Variants in MMP21 observed in about 807,000 individuals in gnomAD.
MMP21 encodes the protein matrix metallopeptidase 21.
Under a neutral mutation model 47.8 loss-of-function variants are expected in MMP21, and 40 were observed. The observed-to-expected ratio is 0.84, with a 90% CI of 0.65 to 1.09. The LOEUF is 1.09. Among genes scored for constraint, MMP21 ranks in the 50% least tolerant of loss-of-function variants. The pLI is 0.00. For missense variants in MMP21, 747 were observed against 775.3 expected (o/e 0.96, Z 0.43); for synonymous variants, 341 against 318.0 (o/e 1.07, Z -0.77).
rs886041273 is a variant in MMP21, at chr10:125,774,287, T to TG, written c.240dup (p.Lys81GlnfsTer177). ...ACCGCCTCGGCCAGGGCGGCGCCCTTGGGGGTCTCCGGCGGCCCCTCGGGA... is the reference window on the plus strand; with the variant it reads ...ACCGCCTCGGCCAGGGCGGCGCCCTTGGGGGGTCTCCGGCGGCCCCTCGGGA... On this transcript the variant is annotated frameshift_variant, in exon 2 of 7. Transcript: ENST00000368808. LOFTEE classifies it high-confidence loss of function. 1.3e-4 allele frequency: 191 copies of TG among 1,420,200 alleles called. No individual in the cohort carries two copies. The highest frequency in any genetic ancestry group is 1.5e-4 in the Non-Finnish European group (169 of 1,095,810). The allele number at this position is 1,420,200 out of a possible 1,614,324, so 88.0% of individuals were successfully genotyped here. A position where few individuals can be genotyped will look rare whatever the true frequency, so the allele number is the denominator to read the frequency against.
Position 125,767,693 on chromosome 10 carries a change from A to G in MMP21, c.1249T>C (p.Trp417Arg). The G allele has an allele frequency of 1.2e-6, 2 of 1,614,006 alleles. No homozygotes were observed. The highest frequency in any genetic ancestry group is 1.7e-6 in the Non-Finnish European group (2 of 1,179,946). ...TGATCCTTGTCACTGTCATATCTCC[A>G]GTATTGATTTCCTGAGAGCCAAACA... is the stretch of plus-strand genomic sequence containing the variant. ...ERYFFQGNQY[W>R]RYDSDKDQAL... Residue 417 changes from tryptophan to arginine, a missense_variant, in exon 6 of 7, where the codon TGG becomes CGG. Transcript: ENST00000368808.
Position 125,774,278 on chromosome 10 carries a change from C to A in MMP21, c.250G>T (p.Ala84Ser). ...AACCTGCGCACCGCCTCGGCCAGGGCGGCGCCCTTGGGGGTCTCCGGCGGC... is the reference window on the plus strand; with the variant it reads ...AACCTGCGCACCGCCTCGGCCAGGGAGGCGCCCTTGGGGGTCTCCGGCGGC... Reference protein sequence around the residue: ...EGPPETPKGAALAEAVRRFQR... With the variant: ...EGPPETPKGASLAEAVRRFQR... The change falls in exon 2 of 7, where the codon GCC (alanine) becomes TCC (serine). Residue 84 changes from alanine (A) to serine (S), a missense_variant. Transcript: ENST00000368808. 7.1e-7 allele frequency: 1 copy of A among 1,418,196 alleles called. No individual in the cohort carries two copies. Among genetic ancestry groups the A allele is most frequent in the Middle Eastern group, 2.4e-4 (1 of 4,244 alleles). The allele number at this position is 1,418,196 out of a possible 1,614,324, so 87.9% of individuals were successfully genotyped here.
At position 125,773,353 on chromosome 10, in the gene MMP21, C is replaced by T. The variant is rs28381288; in HGVS notation, c.697+478G>A. On this transcript the variant is annotated intron_variant, in intron 2 of 6. Transcript: ENST00000368808. This position sits in a 1 kb window ranked among gnomAD's most constrained non-coding sequence, Gnocchi z 4.8. ...TAGGCCAAGACCGGATTCCTGGGGA[C>T]GCCAGCACCCAATTTCAGGTGGCAG... Among the ~76,000 whole-genome samples the T allele has an allele frequency of 1.4e-4, 21 of 152,062 alleles. No homozygotes were observed. Among genetic ancestry groups the T allele is most frequent in the African/African-American group, 3.1e-4 (13 of 41,408 alleles).
At position 125,772,488 on chromosome 10, in the gene MMP21, C is replaced by A; in HGVS notation, c.837+123G>T. The A allele has an allele frequency of 6.4e-7, 1 of 1,566,698 alleles. No individual in the cohort carries two copies. ...GGGGAGCACCGGTGGAACTGGGGAGCCATTCCACGGATTCACCTCCTCAGA... is the reference window on the plus strand; with the variant it reads ...GGGGAGCACCGGTGGAACTGGGGAGACATTCCACGGATTCACCTCCTCAGA... On this transcript the variant is annotated intron_variant, in intron 3 of 6. Transcript: ENST00000368808. This position sits in a 1 kb window ranked among gnomAD's most constrained non-coding sequence, Gnocchi z 5.6.
chr10:125,772,416 A>T lies in MMP21; in HGVS notation c.838-57T>A. 1 of 1,606,852 alleles carries T rather than the reference A, an allele frequency of 6.2e-7. No homozygotes were observed. ...TGAAGCCTGGGCGATGGATCCCTGC[A>T]TAACAGACGCAGGCCTGTGCTTCGA... On this transcript the variant is annotated intron_variant, in intron 3 of 6. Coordinates refer to ENST00000368808, the MANE Select transcript of MMP21 (RefSeq NM_147191.1). The surrounding 1 kb of genome is among the most constrained non-coding windows in gnomAD (Gnocchi z 5.6).
intron 1 of MMP21, among the ~76,000 whole-genome samples, chr10:125,774,889 C>T (rs1197272615): frequency 6.6e-6 from 1 of 152,200 alleles, no homozygotes; most frequent in Non-Finnish European, 1.5e-5. Flanking sequence ...GGAATTGGAA[C>T]TGAGGGGCTT....
chr10:125,770,492 C>A lies in MMP21; in HGVS notation c.1079G>T (p.Arg360Leu). Residue 360 changes from arginine to leucine, a missense_variant, in exon 5 of 7, where the codon CGT becomes CTT. Arg to Leu is a moderately radical substitution (Grantham distance 102). Transcript: ENST00000368808. ...VMVRFSTYFF[R>L]NSWYWLYENR... is the part of the protein sequence containing the mutation. ...TTCATAAAGCCAGTACCAGCTGTTA[C>A]GGAAGAAATATGTGCTAAATCTCAC... The A allele has an allele frequency of 6.2e-7, 1 of 1,614,108 alleles. No homozygotes were observed. The highest frequency in any genetic ancestry group is 8.5e-7 in the Non-Finnish European group (1 of 1,180,032).
In MMP21 at chr10:125,767,652, A is replaced by G. The variant is rs770930087; in HGVS notation, c.1290T>C (p.Asp430=). 2.5e-6 allele frequency: 4 copies of G among 1,614,134 alleles called. No individual in the cohort carries two copies. The highest frequency in any genetic ancestry group is 3.4e-6 in the Non-Finnish European group (4 of 1,180,020). The change falls in exon 6 of 7, where the codon GAT becomes GAC. Residue 430 remains aspartate, a synonymous_variant. Coordinates refer to ENST00000368808, the MANE Select transcript of MMP21 (RefSeq NM_147191.1). The part of the protein sequence containing the change: ...DSDKDQALTE[D]EQGKSYPKLI... ...ATTTGGGATAGCTTTTTCCTTGTTC[A>G]TCTTCTGTGAGGGCCTGATCCTTGT...
rs1291419995 is a variant in MMP21 at position 125,773,673 on chromosome 10, C to A, written c.697+158G>T. On this transcript the variant is annotated intron_variant, in intron 2 of 6. Coordinates refer to ENST00000368808, the MANE Select transcript of MMP21 (RefSeq NM_147191.1). The surrounding 1 kb of genome is among the most constrained non-coding windows in gnomAD (Gnocchi z 4.8). Reference sequence around the variant, plus strand: ...GGTGACCATGATTCCGACAAGACGACGCTGACCGGTGGCTTCTGCCTGCCC... The same window carrying A: ...GGTGACCATGATTCCGACAAGACGAAGCTGACCGGTGGCTTCTGCCTGCCC... 4.6e-5 allele frequency among the ~76,000 whole-genome samples: 7 copies of A among 152,106 alleles called. No individual in the cohort carries two copies. In the South Asian group the frequency reaches 1.2e-3, roughly 27 times the overall value.
In MMP21 at chr10:125,772,732, G is replaced by A. The variant is rs766589917; in HGVS notation, c.716C>T (p.Pro239Leu). ...GFGRGRHLGC[P>L]RAFDGSGQEF... The stretch of plus-strand genomic sequence containing the variant: ...CTGCCCGCTCCCATCGAAGGCCCGC[G>A]GACAGCCCAGGTGCCGGCCTGGCGA... Residue 239 changes from proline to leucine, a missense_variant, in exon 3 of 7, where the codon CCG becomes CTG. Coordinates refer to ENST00000368808, the MANE Select transcript of MMP21 (RefSeq NM_147191.1). This position sits in a 1 kb window ranked among gnomAD's most constrained non-coding sequence, Gnocchi z 5.6. 9.3e-6 allele frequency: 15 copies of A among 1,613,784 alleles called. No individual in the cohort carries two copies. Among genetic ancestry groups the A allele is most frequent in the Middle Eastern group, 1.7e-4 (1 of 5,942 alleles).
In MMP21 at chr10:125,772,330, C is replaced by T. The variant is rs767985171; in HGVS notation, c.867G>A (p.Leu289=). ...KVAVHEIGHV[L]GLPHTYRTGS... ...CCGTCCTGTAGGTGTGAGGCAAGCC[C>T]AGGACATGGCCAATTTCATGGACGG... The change falls in exon 4 of 7, where the codon CTG becomes CTA. Residue 289 remains leucine (L), a synonymous_variant. Coordinates refer to ENST00000368808, the MANE Select transcript of MMP21 (RefSeq NM_147191.1). The surrounding 1 kb of genome is among the most constrained non-coding windows in gnomAD (Gnocchi z 5.6). 6.2e-7 allele frequency: 1 copy of T among 1,614,136 alleles called. No individual in the cohort carries two copies. The highest frequency in any genetic ancestry group is 1.7e-5 in the Admixed American group (1 of 60,020).
At chr10:125,771,025 A>G (rs1850440426) in intron 4 of MMP21, among the ~76,000 whole-genome samples, 1 of 151,546 alleles carries the variant, frequency 6.6e-6, no homozygotes, top group Non-Finnish European at 1.5e-5. Context: ...GTGAGACCCT[A>G]TCTTGAAAAG....
rs1850476368 is a variant in MMP21, at chr10:125,773,503, G to A, written c.697+328C>T. 6.6e-6 allele frequency among the ~76,000 whole-genome samples: 1 copy of A among 152,082 alleles called. No individual in the cohort carries two copies. The highest frequency in any genetic ancestry group is 2.4e-5 in the African/African-American group (1 of 41,418). ...GGCAACTTGTGCCTGACCCTGCCCTGTCCTGAGACCCCAGCTGCTGCTCCC... is the reference window on the plus strand; with the variant it reads ...GGCAACTTGTGCCTGACCCTGCCCTATCCTGAGACCCCAGCTGCTGCTCCC... On this transcript the variant is annotated intron_variant, in intron 2 of 6. Transcript: ENST00000368808. This position sits in a 1 kb window ranked among gnomAD's most constrained non-coding sequence, Gnocchi z 4.8.
In MMP21 at chr10:125,770,886, G is replaced by T. The variant is rs184206942; in HGVS notation, c.980-295C>A. On this transcript the variant is annotated intron_variant, in intron 4 of 6. Transcript: ENST00000368808. ...AAAATACAAAAAGTAGCCGGGCATG[G>T]TGGCACGTGCCTGTGGTCCCTTGGC... is the stretch of plus-strand genomic sequence containing the variant. Among the ~76,000 whole-genome samples the T allele has an allele frequency of 6.3e-4, 96 of 152,128 alleles. 1 individual carries two copies. The highest frequency in any genetic ancestry group is 4.2e-3 in the Admixed American group (64 of 15,286).
In MMP21 at chr10:125,770,493, G is replaced by A. The variant is rs946722250; in HGVS notation, c.1078C>T (p.Arg360Cys). ...VMVRFSTYFF[R>C]NSWYWLYENR... ...TCATAAAGCCAGTACCAGCTGTTAC[G>A]GAAGAAATATGTGCTAAATCTCACC... The change falls in exon 5 of 7, where the codon CGT (arginine) becomes TGT (cysteine). Residue 360 changes from arginine (R) to cysteine (C), a missense_variant. By Grantham distance (180) the Arg-to-Cys change is radical (BLOSUM62 -3). Coordinates refer to ENST00000368808, the MANE Select transcript of MMP21 (RefSeq NM_147191.1). 12 of 1,614,084 alleles carry A rather than the reference G, an allele frequency of 7.4e-6. No homozygotes were observed. The highest frequency in any genetic ancestry group is 2.7e-5 in the African/African-American group (2 of 75,004).
At position 125,773,207 on chromosome 10, in the gene MMP21, G is replaced by A. The variant is rs556769443; in HGVS notation, c.698-457C>T. 6.6e-6 allele frequency among the ~76,000 whole-genome samples: 1 copy of A among 152,272 alleles called. No homozygotes were observed. Among genetic ancestry groups the A allele is most frequent in the East Asian group, 1.9e-4 (1 of 5,150 alleles). On this transcript the variant is annotated intron_variant, in intron 2 of 6. Coordinates refer to ENST00000368808, the MANE Select transcript of MMP21 (RefSeq NM_147191.1). The surrounding 1 kb of genome is among the most constrained non-coding windows in gnomAD (Gnocchi z 4.8). The stretch of plus-strand genomic sequence containing the variant: ...CAGCCCTGAGCACCCCCGGGTCACA[G>A]ATGGGGCTGCAAAGCGGCTTGTCTG...
At chr10:125,768,211 T>TTTAA (rs942203943) in intron 5 of MMP21, among the ~76,000 whole-genome samples, 83 of 152,282 alleles carry the variant, frequency 5.5e-4, no homozygotes, top group African/African-American at 1.9e-3. Flanking sequence ...CCTTGAGTGT[T>TTTAA]TTAGAGTCCC....
chr10:125,770,278 C>T lies in MMP21; in HGVS notation c.1237+56G>A. The T allele has an allele frequency of 1.9e-6, 3 of 1,576,496 alleles. No homozygotes were observed. In the South Asian group the frequency reaches 3.4e-5, roughly 18 times the overall value. On this transcript the variant is annotated intron_variant, in intron 5 of 6. Transcript: ENST00000368808. Reference sequence around the variant, plus strand: ...TCCTTGGTAGGGGCTCAAGACATTCCTTCTGAGTGCATTCGTTTAATGAGA... The same window carrying T: ...TCCTTGGTAGGGGCTCAAGACATTCTTTCTGAGTGCATTCGTTTAATGAGA...
rs571722672 is a variant in MMP21 at position 125,773,447 on chromosome 10, C to T, written c.697+384G>A. Among the ~76,000 whole-genome samples, 95 of 152,194 alleles carry T rather than the reference C, an allele frequency of 6.2e-4. No individual in the cohort carries two copies. Among genetic ancestry groups the T allele is most frequent in the Non-Finnish European group, 9.4e-4 (64 of 68,022 alleles). ...GCTAGACGTCCAAGGTATTTTGTCC[C>T]GCATTTGTCCAATTGTAAGACGGAG... On this transcript the variant is annotated intron_variant, in intron 2 of 6. Coordinates refer to ENST00000368808, the MANE Select transcript of MMP21 (RefSeq NM_147191.1). This position sits in a 1 kb window ranked among gnomAD's most constrained non-coding sequence, Gnocchi z 4.8.
Sources: gnomAD v4.1 joint callset for allele counts (sites outside exome capture counted in the v4.1 genomes callset) on GRCh38, gnomAD v4.1.1 for gene constraint, Gnocchi (gnomAD v3.1) non-coding constraint, MANE v1.5 for transcripts, NCBI Gene and HGNC (gene_info 2026-07-23, HGNC 2026-07-21) for gene names.